CFAP61: variants seen among roughly 807,000 people sequenced by gnomAD.
CFAP61 encodes the protein cilia and flagella associated protein 61, also known as cilia- and flagella-associated protein 61.
In CFAP61, 107 loss-of-function variants were observed where a neutral mutation model predicts 135.6. The ratio of observed to expected loss-of-function variants is 0.79; its 90% CI spans 0.67 to 0.93. CFAP61 has a LOEUF of 0.93. Ranked by LOEUF, CFAP61 falls within the 40% of genes least tolerant of loss-of-function variation. The pLI is 0.00. For missense variants in CFAP61, 1,507 were observed against 1,556.2 expected (o/e 0.97, Z 0.53); for synonymous variants, 575 against 578.5 (o/e 0.99, Z 0.09).
chr20:20,082,694 A>G (rs1193351216), intron 6 of CFAP61, among the ~76,000 whole-genome samples: 1 of 152,238 alleles, frequency 6.6e-6, no homozygotes, highest in Admixed American at 6.5e-5. Context: ...CTTTGTTGAT[A>G]ACAATGGTTG....
At chr20:20,289,269 T>C (rs2054827275) in intron 23 of CFAP61, among the ~76,000 whole-genome samples, 1 of 152,186 alleles carries the variant, frequency 6.6e-6, no homozygotes, top group South Asian at 2.1e-4. Context: ...CCCTGACATC[T>C]TACCCAAAAC....
chr20:20,199,480 CG>C (rs2146892229), intron 16 of CFAP61, among the ~76,000 whole-genome samples: 1 of 152,182 alleles, frequency 6.6e-6, no homozygotes, highest in South Asian at 2.1e-4. Flanking sequence ...AATATCCTCC[CG>C]GGGAAAATAC....
chr20:20,167,714 G>C (rs1601121890), intron 12 of CFAP61, among the ~76,000 whole-genome samples: 2 of 152,222 alleles, frequency 1.3e-5, no homozygotes, highest in Admixed American at 1.3e-4. Context: ...TTGACTCTCA[G>C]GTTCCCCAAA....
intron 25 of CFAP61, among the ~76,000 whole-genome samples, chr20:20,314,757 A>G (rs1481300718): frequency 6.9e-5 from 9 of 129,780 alleles, no homozygotes; most frequent in East Asian, 6.5e-4. Context: ...TCATTGTTCA[A>G]TTCCCACCTA....
chr20:20,270,017 G>A (rs2053222720), intron 21 of CFAP61, among the ~76,000 whole-genome samples: 1 of 152,062 alleles, frequency 6.6e-6, no homozygotes, highest in Non-Finnish European at 1.5e-5. Flanking sequence ...TGTAACCACT[G>A]TATGTCTGTT....
intron 25 of CFAP61, among the ~76,000 whole-genome samples, chr20:20,329,718 G>A (rs564815124): frequency 2.0e-5 from 3 of 152,330 alleles, no homozygotes; most frequent in Admixed American, 6.5e-5. Context: ...CCGACTGGAC[G>A]TTAGAGCAGT....
At chr20:20,260,521 TTTTC>T (rs2052075418) in intron 20 of CFAP61, among the ~76,000 whole-genome samples, 1 of 152,358 alleles carries the variant, frequency 6.6e-6, no homozygotes, top group Non-Finnish European at 1.5e-5. Context: ...TCCCATTAGT[TTTTC>T]TTTAATTGCT....
intron 9 of CFAP61, among the ~76,000 whole-genome samples, chr20:20,158,891 T>C (rs1449101842): frequency 6.6e-6 from 1 of 152,232 alleles, no homozygotes; most frequent in African/African-American, 2.4e-5. Context: ...ATGTAGCTTA[T>C]TGTATGTCAA....
intron 8 of CFAP61, 86 bp downstream of exon 8, chr20:20,098,900 T>C: frequency 3.3e-6 from 4 of 1,200,826 alleles, no homozygotes; most frequent in Non-Finnish European, 4.6e-6. Flanking sequence ...TGGAACTAGA[T>C]AGGATGCTTT....
At chr20:20,216,726 ACTG>A (rs1284654750) in intron 17 of CFAP61, among the ~76,000 whole-genome samples, 1 of 152,180 alleles carries the variant, frequency 6.6e-6, no homozygotes, top group Non-Finnish European at 1.5e-5. Context: ...ATTTTTTTAA[ACTG>A]CTGTCAAAAT....
At chr20:20,306,778 G>A (rs2056502420) in intron 25 of CFAP61, among the ~76,000 whole-genome samples, 1 of 152,130 alleles carries the variant, frequency 6.6e-6, no homozygotes, top group African/African-American at 2.4e-5. Context: ...GGCTATACAA[G>A]AAAACTAGTG....
chr20:20,085,398 A>G, intron 6 of CFAP61: 1 of 1,356,460 alleles, frequency 7.4e-7, no homozygotes, highest in Non-Finnish European at 9.8e-7. Context: ...AAGATCATAA[A>G]TTATCAATTA....
intron 2 of CFAP61, among the ~76,000 whole-genome samples, chr20:20,057,573 G>A (rs894938381): frequency 1.3e-5 from 2 of 152,162 alleles, no homozygotes; most frequent in African/African-American, 4.8e-5. Context: ...GTTCACAGCC[G>A]CTGCTGTTAA....
At chr20:20,197,190 C>T (rs560410794) in intron 16 of CFAP61, among the ~76,000 whole-genome samples, 1 of 152,278 alleles carries the variant, frequency 6.6e-6, no homozygotes, top group African/African-American at 2.4e-5. Context: ...AGAAGACTGG[C>T]ATGCTATCCC....
chr20:20,347,932 CA>C (rs139136148), intron 26 of CFAP61, among the ~76,000 whole-genome samples: 10,503 of 75,004 alleles, frequency 0.14, 334 homozygotes, highest in East Asian at 0.28. Context: ...GACGCCATCT[CA>C]AAAAAAAAAA....
intron 7 of CFAP61, among the ~76,000 whole-genome samples, chr20:20,096,950 A>G (rs1600621077): frequency 2.0e-5 from 3 of 152,362 alleles, no homozygotes; most frequent in African/African-American, 7.2e-5. Flanking sequence ...AATATACATG[A>G]AAAAATTAAT....
intron 6 of CFAP61, among the ~76,000 whole-genome samples, chr20:20,087,866 AT>A (rs5840867): frequency 0.098 from 14,420 of 147,420 alleles, 2,187 homozygotes; most frequent in African/African-American, 0.33. Context: ...ATGCTGTATC[AT>A]TTTTTTTTTT....
At chr20:20,344,155 C>G (rs79664724) in intron 26 of CFAP61, among the ~76,000 whole-genome samples, 2,600 of 152,322 alleles carry the variant, frequency 0.017, 70 homozygotes, top group African/African-American at 0.06. Flanking sequence ...CTGCCTAGCT[C>G]AGCTGGACTA....
intron 21 of CFAP61, among the ~76,000 whole-genome samples, chr20:20,275,007 C>T (rs1396788866): frequency 2.2e-5 from 3 of 136,628 alleles, no homozygotes; most frequent in African/African-American, 5.6e-5. Context: ...GCAGAGTGGA[C>T]GTCCTCACTC....
Sources: gnomAD v4.1 joint callset for allele counts (sites outside exome capture counted in the v4.1 genomes callset) on GRCh38, gnomAD v4.1.1 for gene constraint, MANE v1.5 for transcripts, NCBI Gene and HGNC (gene_info 2026-07-23, HGNC 2026-07-21) for gene names.